The following PPFIA2 variants were observed in gnomAD, a reference collection of about 807,000 sequenced individuals.
PPFIA2 encodes the protein PPFI scaffold protein A2.
A neutral mutation model predicts 175.5 loss-of-function variants in PPFIA2; 46 were observed. The ratio of observed to expected loss-of-function variants is 0.26; its 90% CI spans 0.21 to 0.34. PPFIA2 has a LOEUF of 0.34. Among genes scored for constraint, PPFIA2 ranks in the 10% least tolerant of loss-of-function variants. The pLI is 1.00. For missense variants in PPFIA2, 1,179 were observed against 1,506.1 expected (o/e 0.78, Z 3.60); for synonymous variants, 568 against 511.4 (o/e 1.11, Z -1.49).
intron 3 of PPFIA2, among the ~76,000 whole-genome samples, chr12:81,703,215 A>G (rs540796820): frequency 8.5e-5 from 13 of 152,148 alleles, no homozygotes; most frequent in Non-Finnish European, 1.9e-4. Context: ...CCTCTGAGCT[A>G]CAGATTTTTA....
At chr12:81,489,986 A>G (rs1297418727) in intron 4 of PPFIA2, among the ~76,000 whole-genome samples, 4 of 151,788 alleles carry the variant, frequency 2.6e-5, no homozygotes, top group African/African-American at 9.7e-5. Flanking sequence ...TCTTTTTCTT[A>G]TTATTACAAT....
At chr12:81,267,088 A>G (rs1200517575) in intron 29 of PPFIA2, 68 bp from the exon 30 acceptor site, 33 of 1,148,176 alleles carry the variant, frequency 2.9e-5, no homozygotes, top group Non-Finnish European at 4.0e-5. Context: ...AGTAGCTTAT[A>G]TTTATCTGAT....
intron 4 of PPFIA2, among the ~76,000 whole-genome samples, chr12:81,483,061 T>C (rs934730491): frequency 6.6e-6 from 1 of 152,174 alleles, no homozygotes; most frequent in Non-Finnish European, 1.5e-5. Flanking sequence ...CAGCTGTGCA[T>C]ATTAAAAAGT....
rs374707430 is a variant in PPFIA2, at chr12:81,313,913, C to T, written c.2642+11864G>A. ...TAGAAAACTTACACAGTATAAATAC[C>T]TTAAAATATAAAATATAAGATAAAA... On this transcript the variant is annotated intron_variant, in intron 22 of 32. Coordinates refer to ENST00000549396, the MANE Select transcript of PPFIA2 (RefSeq NM_003625.5). 2.0e-4 allele frequency among the ~76,000 whole-genome samples: 31 copies of T among 151,706 alleles called. No individual in the cohort carries two copies. In the South Asian group the frequency reaches 3.5e-3, roughly 17 times the overall value.
At chr12:81,459,449 C>A (rs2054147066) in intron 4 of PPFIA2, among the ~76,000 whole-genome samples, 1 of 152,020 alleles carries the variant, frequency 6.6e-6, no homozygotes, top group Admixed American at 6.6e-5. Context: ...AACATAACAT[C>A]TGTATATTTA....
chr12:81,512,065 C>T (rs754069264), intron 4 of PPFIA2, among the ~76,000 whole-genome samples: 5 of 152,004 alleles, frequency 3.3e-5, no homozygotes, highest in African/African-American at 4.8e-5. Context: ...CTCCAGTAAA[C>T]GGAATCTCTC....
At chr12:81,538,340 G>A (rs1455294481) in intron 4 of PPFIA2, among the ~76,000 whole-genome samples, 2 of 151,842 alleles carry the variant, frequency 1.3e-5, no homozygotes, top group African/African-American at 2.4e-5. Context: ...TTACATGCAT[G>A]TTCATGGGTG....
chr12:81,706,614 G>A (rs988459903), intron 3 of PPFIA2, among the ~76,000 whole-genome samples: 8 of 152,044 alleles, frequency 5.3e-5, no homozygotes, highest in Non-Finnish European at 2.9e-5. Flanking sequence ...AGTAATACCC[G>A]GCCGTGTGAG....
intron 8 of PPFIA2, among the ~76,000 whole-genome samples, chr12:81,388,566 A>T (rs755876171): frequency 6.6e-5 from 10 of 152,024 alleles, no homozygotes. Context: ...GATGTTCTTT[A>T]TCTTGATTTG....
At chr12:81,508,749 T>G (rs1034194501) in intron 4 of PPFIA2, among the ~76,000 whole-genome samples, 1 of 144,682 alleles carries the variant, frequency 6.9e-6, no homozygotes, top group African/African-American at 2.5e-5. Context: ...TATCTCCCGA[T>G]GCTATCCCTC....
At chr12:81,548,231 T>C (rs547475580) in intron 4 of PPFIA2, among the ~76,000 whole-genome samples, 15 of 152,264 alleles carry the variant, frequency 9.9e-5, no homozygotes, top group Non-Finnish European at 1.6e-4. Flanking sequence ...TTACTGCCTA[T>C]ATAGTAAGAG....
chr12:81,341,024 G>C (rs2057955270), intron 20 of PPFIA2, 54 bp downstream of exon 20: 1 of 1,484,860 alleles, frequency 6.7e-7, no homozygotes, highest in South Asian at 1.3e-5. Flanking sequence ...CGAAGGAAGA[G>C]GAATATTTTT....
chr12:81,746,208 T>G (rs1289534857), intron 3 of PPFIA2, among the ~76,000 whole-genome samples: 1 of 144,652 alleles, frequency 6.9e-6, no homozygotes, highest in African/African-American at 2.4e-5. Flanking sequence ...CTATTACAAT[T>G]AATCTTATCT....
intron 4 of PPFIA2, among the ~76,000 whole-genome samples, chr12:81,458,290 T>C (rs1204665872): frequency 6.6e-6 from 1 of 152,056 alleles, no homozygotes; most frequent in Non-Finnish European, 1.5e-5. Flanking sequence ...AACATGCTAT[T>C]TTGAAATTAA....
At chr12:81,334,729 T>C (rs1223455473) in intron 21 of PPFIA2, among the ~76,000 whole-genome samples, 1 of 152,240 alleles carries the variant, frequency 6.6e-6, no homozygotes, top group Non-Finnish European at 1.5e-5. Context: ...ATTCTCACTT[T>C]GGTCTTGGTG....
chr12:81,525,675 A>C (rs1168177159), intron 4 of PPFIA2, among the ~76,000 whole-genome samples: 1 of 152,030 alleles, frequency 6.6e-6, no homozygotes, highest in Non-Finnish European at 1.5e-5. Context: ...TGCTGTCTTA[A>C]GTTGCTAAAT....
At chr12:81,756,191 G>A (rs887022632) in intron 2 of PPFIA2, among the ~76,000 whole-genome samples, 17 of 152,072 alleles carry the variant, frequency 1.1e-4, no homozygotes, top group Admixed American at 6.5e-5. Flanking sequence ...AAAGTACTGG[G>A]AGAGCAAATC....
chr12:81,448,004 T>G (rs896240263), intron 5 of PPFIA2, among the ~76,000 whole-genome samples: 4 of 150,742 alleles, frequency 2.7e-5, no homozygotes, highest in African/African-American at 9.7e-5. Flanking sequence ...ATGAAAACTG[T>G]TTTTTTTTCT....
At chr12:81,261,849 C>A in intron 32 of PPFIA2, 100 bp downstream of exon 32, 1 of 741,744 alleles carries the variant, frequency 1.3e-6, no homozygotes, top group Non-Finnish European at 2.2e-6. Context: ...CATTTCTGTA[C>A]TGCTAGGGCA....
Sources: allele counts gnomAD v4.1 joint callset (sites outside exome capture counted in the v4.1 genomes callset), GRCh38; gene constraint gnomAD v4.1.1; transcripts MANE v1.5; gene names NCBI Gene and HGNC (gene_info 2026-07-23, HGNC 2026-07-21).